The following LRRC4C variants were observed in gnomAD, a reference collection of about 807,000 sequenced individuals.
LRRC4C encodes leucine-rich repeat-containing protein 4C.
In LRRC4C, 5 loss-of-function variants were observed where a neutral mutation model predicts 33.6. That is an observed-to-expected ratio of 0.15 (90% CI 0.08 to 0.31). The LOEUF is 0.31. LRRC4C is among the 10% of genes least tolerant of loss of function. LRRC4C has a pLI of 1.00. For synonymous variants in LRRC4C, 329 were observed against 302.0 expected (o/e 1.09, Z -0.93); for missense variants, 560 against 796.7 (o/e 0.70, Z 3.58).
At chr11:40,820,013 G>A (rs1951864727) in intron 2 of LRRC4C, among the ~76,000 whole-genome samples, 1 of 151,800 alleles carries the variant, frequency 6.6e-6, no homozygotes, top group Admixed American at 6.6e-5. Context: ...AACCACTAAT[G>A]TCAACAAACT....
chr11:40,820,322 T>C (rs1046639197), intron 2 of LRRC4C, among the ~76,000 whole-genome samples: 3 of 151,934 alleles, frequency 2.0e-5, no homozygotes, highest in Non-Finnish European at 4.4e-5. Flanking sequence ...TAAAAGTAAT[T>C]ATACATATTT....
chr11:41,217,777 C>T (rs759336223), intron 1 of LRRC4C, among the ~76,000 whole-genome samples: 3 of 151,984 alleles, frequency 2.0e-5, no homozygotes, highest in African/African-American at 7.3e-5. Flanking sequence ...ATGTTAAAGA[C>T]CCTGACTTCA....
At chr11:40,181,728 T>C (rs752287227) in intron 5 of LRRC4C, among the ~76,000 whole-genome samples, 16 of 152,132 alleles carry the variant, frequency 1.1e-4, no homozygotes, top group Non-Finnish European at 1.8e-4. Context: ...TACCCAACCA[T>C]GAGGAGAGAG....
chr11:40,754,913 C>T, intron 2 of LRRC4C, among the ~76,000 whole-genome samples: 1 of 151,844 alleles, frequency 6.6e-6, no homozygotes, highest in African/African-American at 2.4e-5. Context: ...GTATATAGGT[C>T]CCTTGGTGAA....
chr11:41,368,221 C>T (rs766343391), intron 1 of LRRC4C, among the ~76,000 whole-genome samples: 6 of 152,248 alleles, frequency 3.9e-5, no homozygotes, highest in East Asian at 1.9e-4. Flanking sequence ...TCCTACACTC[C>T]GATAAATTGC....
intron 1 of LRRC4C, among the ~76,000 whole-genome samples, chr11:41,071,250 G>C (rs1292982531): frequency 1.3e-5 from 2 of 152,016 alleles, no homozygotes; most frequent in Admixed American, 6.6e-5. Flanking sequence ...GGCCTATTAG[G>C]GGGTGGGATG....
chr11:40,675,878 A>G (rs1018255179), intron 2 of LRRC4C, among the ~76,000 whole-genome samples: 8 of 152,104 alleles, frequency 5.3e-5, no homozygotes, highest in Admixed American at 2.0e-4. Context: ...AAGAAAAGTC[A>G]TATAGGAAAC....
chr11:41,291,608 A>G (rs1949994984), intron 1 of LRRC4C, among the ~76,000 whole-genome samples: 1 of 152,172 alleles, frequency 6.6e-6, no homozygotes, highest in African/African-American at 2.4e-5. Flanking sequence ...TGTAATCAAC[A>G]TACATACTGG....
intron 2 of LRRC4C, among the ~76,000 whole-genome samples, chr11:40,884,261 G>A (rs528627774): frequency 2.6e-5 from 4 of 152,134 alleles, no homozygotes; most frequent in East Asian, 1.9e-4. Context: ...TTTTATGGAC[G>A]CATAGTATTC....
intron 5 of LRRC4C, among the ~76,000 whole-genome samples, chr11:40,157,439 C>T (rs982732893): frequency 1.3e-5 from 2 of 152,126 alleles, no homozygotes. Context: ...AGCTTTTGTA[C>T]AGCAAAAGGA....
chr11:40,665,775 T>TAG lies in LRRC4C; in HGVS notation c.-406-17498_-406-17497insCT, dbSNP rs1943773291. Among the ~76,000 whole-genome samples, 3 of 152,252 alleles carry TAG rather than the reference T, an allele frequency of 2.0e-5. No individual in the cohort carries two copies. The South Asian group carries it at 6.2e-4, about 32-fold the overall frequency. On this transcript the variant is annotated intron_variant, in intron 2 of 6. Transcript: ENST00000528697. ...CCGTTCTGCTATTGGGTATACAACTTACAGCATAATTTTTCAAAGTGCTAA... is the reference window on the plus strand; with the variant it reads ...CCGTTCTGCTATTGGGTATACAACTTAGACAGCATAATTTTTCAAAGTGCTAA...
chr11:40,585,771 T>C (rs1958704233), intron 3 of LRRC4C, among the ~76,000 whole-genome samples: 1 of 139,596 alleles, frequency 7.2e-6, no homozygotes, highest in Non-Finnish European at 1.6e-5. Flanking sequence ...TGATTTCCAA[T>C]TTCATCCATG....
intron 3 of LRRC4C, among the ~76,000 whole-genome samples, chr11:40,439,977 C>A (rs969687191): frequency 5.3e-5 from 8 of 152,172 alleles, no homozygotes; most frequent in African/African-American, 1.7e-4. Flanking sequence ...AATGCAACCA[C>A]CCCAATTTGT....
intron 1 of LRRC4C, among the ~76,000 whole-genome samples, chr11:41,075,685 T>C (rs1040346973): frequency 6.6e-6 from 1 of 152,134 alleles, no homozygotes; most frequent in Non-Finnish European, 1.5e-5. Flanking sequence ...TTCACTACAT[T>C]TTTTTCTCCT....
intron 2 of LRRC4C, among the ~76,000 whole-genome samples, chr11:40,749,657 A>C (rs184114356): frequency 6.6e-6 from 1 of 151,996 alleles, no homozygotes; most frequent in Admixed American, 6.5e-5. Flanking sequence ...CTAAAAAAAA[A>C]AAGGAAAAAG....
chr11:40,179,574 C>T (rs940582553), intron 5 of LRRC4C, among the ~76,000 whole-genome samples: 3 of 152,102 alleles, frequency 2.0e-5, no homozygotes, highest in Non-Finnish European at 4.4e-5. Flanking sequence ...CAGTAAGCAC[C>T]TGCTTACTTT....
At chr11:40,495,358 C>G (rs1457000892) in intron 3 of LRRC4C, among the ~76,000 whole-genome samples, 1 of 152,034 alleles carries the variant, frequency 6.6e-6, no homozygotes. Context: ...TTCCCTGCAG[C>G]GCCACATATT....
At chr11:40,726,219 A>AT (rs1243102383) in intron 2 of LRRC4C, among the ~76,000 whole-genome samples, 1 of 152,038 alleles carries the variant, frequency 6.6e-6, no homozygotes, top group Non-Finnish European at 1.5e-5. Flanking sequence ...ATTCTACTAG[A>AT]TGTACAAATG....
chr11:40,730,508 C>T (rs758020792), intron 2 of LRRC4C, among the ~76,000 whole-genome samples: 3 of 151,942 alleles, frequency 2.0e-5, no homozygotes, highest in Admixed American at 6.6e-5. Context: ...CAGCTTTCAT[C>T]ATATCATAAA....
Sources: gnomAD v4.1 joint callset for allele counts (sites outside exome capture counted in the v4.1 genomes callset) on GRCh38, gnomAD v4.1.1 for gene constraint, MANE v1.5 for transcripts, NCBI Gene and HGNC (gene_info 2026-07-23, HGNC 2026-07-21) for gene names.